Variants in LATS1 observed in about 807,000 individuals in gnomAD.
LATS1 encodes large tumor suppressor kinase 1, also known as serine/threonine-protein kinase LATS1.
In LATS1, 25 loss-of-function variants were observed where a neutral mutation model predicts 106.6. The ratio of observed to expected loss-of-function variants is 0.23; its 90% CI spans 0.17 to 0.33. LATS1 has a LOEUF of 0.33. Ranked by LOEUF, LATS1 falls within the 10% of genes least tolerant of loss-of-function variation. The probability of loss-of-function intolerance (pLI) is 1.00; values close to 1 mark genes in which losing one functional copy is unlikely to be tolerated. For synonymous variants in LATS1, 465 were observed against 455.6 expected (o/e 1.02, Z -0.26); for missense variants, 1,040 against 1,382.6 (o/e 0.75, Z 3.93).
At chr6:149,693,611 AAAACAAAC>A (rs71554447) in intron 3 of LATS1, among the ~76,000 whole-genome samples, 62,972 of 150,718 alleles carry the variant, frequency 0.42, 13,961 homozygotes, top group East Asian at 0.81. Context: ...CTCCATCTCA[AAAACAAAC>A]AAACAAACAA....
intron 1 of LATS1, among the ~76,000 whole-genome samples, chr6:149,710,216 T>C (rs1784012321): frequency 6.6e-6 from 1 of 152,178 alleles, no homozygotes; most frequent in South Asian, 2.1e-4. Flanking sequence ...CTTGGGCACA[T>C]GTTCTCAGGA....
intron 1 of LATS1, among the ~76,000 whole-genome samples, chr6:149,705,596 G>A (rs1472794437): frequency 3.4e-5 from 5 of 148,868 alleles, no homozygotes; most frequent in Admixed American, 6.7e-5. Context: ...GAGAGAGAGA[G>A]AGAAAAAAAA....
rs955302345 is a variant in LATS1 at position 149,661,460 on chromosome 6, T to G, written c.*269A>C. 1 of 328,642 alleles carries G rather than the reference T, an allele frequency of 3.0e-6. No homozygotes were observed. Among genetic ancestry groups the G allele is most frequent in the Non-Finnish European group, 5.5e-6 (1 of 181,862 alleles). The allele number at this position is 328,642 out of a possible 1,614,324, so 20.4% of individuals were successfully genotyped here. A position where few individuals can be genotyped will look rare whatever the true frequency, so the allele number is the denominator to read the frequency against. On this transcript the variant is annotated 3_prime_UTR_variant, in exon 8 of 8. Coordinates refer to ENST00000543571, the MANE Select transcript of LATS1 (RefSeq NM_004690.4). The stretch of plus-strand genomic sequence containing the variant: ...TCCTTTTAAACAAAGCACTACTTAT[T>G]TTAAGTACTTTAAGTACCAAGAACT...
rs561187707 is a variant in LATS1, at chr6:149,707,495, C to CA, written c.-140-5230dup. Among the ~76,000 whole-genome samples the CA allele has an allele frequency of 1.2e-4, 18 of 152,210 alleles. No homozygotes were observed. In the South Asian group the frequency reaches 3.7e-3, roughly 32 times the overall value. On this transcript the variant is annotated intron_variant, in intron 1 of 7. Transcript: ENST00000543571. Reference sequence around the variant, plus strand: ...TTTATCTTATCTTACCTTTTCCCCCCATAACATTTCATGAGATTTACATTC... The same window carrying CA: ...TTTATCTTATCTTACCTTTTCCCCCCAATAACATTTCATGAGATTTACATTC...
In LATS1 at chr6:149,669,050, TG is replaced by T. The variant is rs1781310819; in HGVS notation, c.2884-6813del. Among the ~76,000 whole-genome samples, 6 of 152,078 alleles carry T rather than the reference TG, an allele frequency of 3.9e-5. 1 individual carries two copies. Among genetic ancestry groups the T allele is most frequent in the African/African-American group, 1.5e-4 (6 of 41,364 alleles). On this transcript the variant is annotated intron_variant, in intron 7 of 7. Transcript: ENST00000543571. ...GTTGCCCAAGCCGATCTCAAACTCCTGGGTTCCAGTGTTCTTCCTGCTGTGG... is the reference window on the plus strand; with the variant it reads ...GTTGCCCAAGCCGATCTCAAACTCCTGGTTCCAGTGTTCTTCCTGCTGTGG...
intron 7 of LATS1, among the ~76,000 whole-genome samples, chr6:149,672,098 G>A (rs958227109): frequency 6.6e-6 from 1 of 151,696 alleles, no homozygotes; most frequent in African/African-American, 2.4e-5. Context: ...TCGCCAAGTT[G>A]GCCAGGCTGG....
At chr6:149,663,117 G>A (rs1318039194) in intron 7 of LATS1, among the ~76,000 whole-genome samples, 1 of 152,166 alleles carries the variant, frequency 6.6e-6, no homozygotes, top group East Asian at 1.9e-4. Context: ...ACAACTCCAA[G>A]TACGATATTA....
intron 1 of LATS1, among the ~76,000 whole-genome samples, chr6:149,705,749 T>TA (rs1436231809): frequency 1.3e-5 from 2 of 152,114 alleles, no homozygotes; most frequent in African/African-American, 2.4e-5. Flanking sequence ...TTTCTGCTGT[T>TA]AAAAAAATAC....
intron 4 of LATS1, among the ~76,000 whole-genome samples, chr6:149,682,087 G>A (rs1409089499): frequency 8.0e-6 from 1 of 124,618 alleles, no homozygotes; most frequent in Non-Finnish European, 1.7e-5. Flanking sequence ...ACTCCAGCCT[G>A]GCGACAGAGT....
intron 7 of LATS1, among the ~76,000 whole-genome samples, chr6:149,663,957 G>A (rs1488838095): frequency 3.3e-5 from 5 of 151,784 alleles, no homozygotes; most frequent in South Asian, 2.1e-4. Flanking sequence ...ACAGGTGCCC[G>A]CCACCTCGCA....
chr6:149,682,976 T>C (rs1562331302), intron 4 of LATS1, 103 bp downstream of exon 4: 1 of 849,750 alleles, frequency 1.2e-6, no homozygotes, highest in East Asian at 2.8e-5. Context: ...ATATATTTTA[T>C]TTAGCTATAA....
chr6:149,714,244 T>G (rs890026608), intron 1 of LATS1, among the ~76,000 whole-genome samples: 3 of 152,274 alleles, frequency 2.0e-5, no homozygotes, highest in East Asian at 3.9e-4. Flanking sequence ...AGTGCTGGGA[T>G]TACAAGCATG....
At position 149,666,724 on chromosome 6, in the gene LATS1, C is replaced by T. The variant is rs535252842; in HGVS notation, c.2884-4486G>A. ...TTGGGAGGCCGAGGTGGGCAGATCA[C>T]GAGGTCAGGAGATCGAGACCATCCT... On this transcript the variant is annotated intron_variant, in intron 7 of 7. Coordinates refer to ENST00000543571, the MANE Select transcript of LATS1 (RefSeq NM_004690.4). 5.9e-5 allele frequency among the ~76,000 whole-genome samples: 9 copies of T among 151,912 alleles called. No individual in the cohort carries two copies. The East Asian group carries it at 1.2e-3, about 20-fold the overall frequency.
At chr6:149,683,042 G>A (rs1180217478) in intron 4 of LATS1, 37 bp downstream of exon 4, 5 of 1,511,684 alleles carry the variant, frequency 3.3e-6, no homozygotes, top group Non-Finnish European at 2.7e-6. Context: ...GCAAACAGAT[G>A]ATTAAGTATA....
chr6:149,680,136 A>G lies in LATS1; in HGVS notation c.2332T>C (p.Leu778=). The G allele has an allele frequency of 6.2e-7, 1 of 1,613,888 alleles. No individual in the cohort carries two copies. Among genetic ancestry groups the G allele is most frequent in the Non-Finnish European group, 8.5e-7 (1 of 1,179,864 alleles). The change falls in exon 5 of 8, where the codon TTA becomes CTA. Residue 778 remains leucine (L), a synonymous_variant. Coordinates refer to ENST00000543571, the MANE Select transcript of LATS1 (RefSeq NM_004690.4). ...LYYSFQDKDN[L]YFVMDYIPGG... ...GGAATGTAGTCCATTACAAAGTATA[A>G]ATTGTCCTTATCTTGGAATGAATAA...
intron 3 of LATS1, among the ~76,000 whole-genome samples, chr6:149,686,188 C>T (rs1782365740): frequency 6.6e-6 from 1 of 152,152 alleles, no homozygotes; most frequent in South Asian, 2.1e-4. Flanking sequence ...TCATAATGTT[C>T]AGTTTAACAC....
At chr6:149,669,212 C>T (rs538480158) in intron 7 of LATS1, among the ~76,000 whole-genome samples, 45 of 151,984 alleles carry the variant, frequency 3.0e-4, no homozygotes, top group African/African-American at 1.1e-3. Context: ...CGGCTCACTT[C>T]AAGCTCTGCC....
intron 3 of LATS1, among the ~76,000 whole-genome samples, chr6:149,687,195 A>AAACC (rs1782438009): frequency 1.3e-5 from 2 of 151,288 alleles, no homozygotes; most frequent in East Asian, 3.9e-4. Context: ...GGTTTAGGCG[A>AAACC]TTCTCCTGCC....
In LATS1 at chr6:149,662,045, T is replaced by C; in HGVS notation, c.3077A>G (p.Tyr1026Cys). 6.2e-7 allele frequency: 1 copy of C among 1,614,174 alleles called. No homozygotes were observed. The highest frequency in any genetic ancestry group is 8.5e-7 in the Non-Finnish European group (1 of 1,179,994). ...SSDLRQQSAS[Y>C]IPKITHPTDT... ...TGTTGGGTGTGTGATTTTAGGAATG[T>C]ATGAAGCAGACTGCTGTCTCAGGTC... The change falls in exon 8 of 8, where the codon TAC becomes TGC. Residue 1026 changes from tyrosine (Y) to cysteine (C), a missense_variant. Transcript: ENST00000543571.
Sources: allele counts gnomAD v4.1 joint callset (sites outside exome capture counted in the v4.1 genomes callset), GRCh38; gene constraint gnomAD v4.1.1; transcripts MANE v1.5; gene names NCBI Gene and HGNC (gene_info 2026-07-23, HGNC 2026-07-21).